MDGA2: variants seen among roughly 807,000 people sequenced by gnomAD.
The protein encoded by MDGA2 is MAM domain-containing glycosylphosphatidylinositol anchor protein 2.
A neutral mutation model predicts 117.8 loss-of-function variants in MDGA2; 40 were observed. The observed-to-expected ratio is 0.34, with a 90% confidence interval of 0.26 to 0.44. The LOEUF (loss-of-function observed/expected upper bound fraction) is 0.44, where lower values mean the gene tolerates loss of function less well. MDGA2 is among the 20% of genes least tolerant of loss of function. The pLI is 1.00. For synonymous variants in MDGA2, 452 were observed against 439.0 expected, an observed-to-expected ratio of 1.03 and a Z score of -0.37; for missense variants, 1,123 against 1,250.6, an observed-to-expected ratio of 0.90 and a Z score of 1.54.
chr14:47,120,682 G>C (rs1881604179), intron 5 of MDGA2, among the ~76,000 whole-genome samples: 1 of 152,126 alleles, frequency 6.6e-6, no homozygotes, highest in Non-Finnish European at 1.5e-5. Flanking sequence ...CAGACAAAAA[G>C]TACATGCTGC....
At chr14:46,990,796 A>T (rs1181928975) in intron 8 of MDGA2, among the ~76,000 whole-genome samples, 1 of 151,998 alleles carries the variant, frequency 6.6e-6, no homozygotes, top group East Asian at 1.9e-4. Context: ...ATCTGATTAA[A>T]CACAAAAAGG....
At chr14:47,595,200 T>G (rs959178897) in intron 1 of MDGA2, among the ~76,000 whole-genome samples, 2 of 151,300 alleles carry the variant, frequency 1.3e-5, no homozygotes, top group South Asian at 4.2e-4. Context: ...TGGGGAGAGA[T>G]TTTCAAGCCA....
chr14:47,404,191 T>A (rs1479070557), intron 1 of MDGA2, among the ~76,000 whole-genome samples: 1 of 34,654 alleles, frequency 2.9e-5, no homozygotes, highest in Non-Finnish European at 7.2e-5. Context: ...AATACCAACC[T>A]TTTTTTTTTT....
intron 1 of MDGA2, among the ~76,000 whole-genome samples, chr14:47,617,698 A>C (rs1480983083): frequency 6.6e-6 from 1 of 152,168 alleles, no homozygotes; most frequent in African/African-American, 2.4e-5. Flanking sequence ...GTTGCTTGGT[A>C]AACTAATTTA....
chr14:47,659,321 T>C (rs1425769260), intron 1 of MDGA2, among the ~76,000 whole-genome samples: 1 of 152,198 alleles, frequency 6.6e-6, no homozygotes, highest in Non-Finnish European at 1.5e-5. Flanking sequence ...AGTCTTTCAT[T>C]ACTACTGTGA....
intron 1 of MDGA2, among the ~76,000 whole-genome samples, chr14:47,412,421 A>G (rs1892392702): frequency 6.6e-6 from 1 of 152,116 alleles, no homozygotes; most frequent in South Asian, 2.1e-4. Context: ...AGATGGGAAT[A>G]CAGGCGCATG....
intron 1 of MDGA2, among the ~76,000 whole-genome samples, chr14:47,325,849 G>A (rs1890126361): frequency 6.6e-6 from 1 of 152,136 alleles, no homozygotes; most frequent in South Asian, 2.1e-4. Context: ...GTTGGTTTTA[G>A]ATAAAATTAT....
intron 2 of MDGA2, among the ~76,000 whole-genome samples, chr14:47,235,956 G>T (rs1452195073): frequency 1.3e-5 from 2 of 152,040 alleles, no homozygotes; most frequent in East Asian, 3.9e-4. Flanking sequence ...GCCAATGCGT[G>T]GGTCCAAGGG....
At chr14:47,163,649 T>C (rs1883736250) in intron 3 of MDGA2, among the ~76,000 whole-genome samples, 1 of 152,126 alleles carries the variant, frequency 6.6e-6, no homozygotes, top group Non-Finnish European at 1.5e-5. Flanking sequence ...CTGTCTCTGG[T>C]ATATCTTTAT....
intron 1 of MDGA2, among the ~76,000 whole-genome samples, chr14:47,547,704 T>A (rs1895491301): frequency 6.6e-6 from 1 of 152,204 alleles, no homozygotes; most frequent in Non-Finnish European, 1.5e-5. Flanking sequence ...ACACAGAGAT[T>A]CTCAAATAAG....
At chr14:46,931,985 G>C (rs1402215044) in intron 9 of MDGA2, among the ~76,000 whole-genome samples, 2 of 151,770 alleles carry the variant, frequency 1.3e-5, no homozygotes. Context: ...AAGTAATATA[G>C]AGCAAAATGG....
intron 9 of MDGA2, among the ~76,000 whole-genome samples, chr14:46,953,329 C>A (rs1885436913): frequency 1.3e-5 from 2 of 149,438 alleles, no homozygotes; most frequent in Non-Finnish European, 3.0e-5. Context: ...AAAAAAAACA[C>A]CACCCCTTTA....
chr14:47,055,285 C>T (rs969324690), intron 7 of MDGA2, among the ~76,000 whole-genome samples: 2 of 152,054 alleles, frequency 1.3e-5, no homozygotes, highest in South Asian at 2.1e-4. Flanking sequence ...ACTGAATTGG[C>T]TCCCAAAGCA....
chr14:47,035,086 A>G lies in MDGA2; in HGVS notation c.1744T>C (p.Tyr582His), dbSNP rs1888796842. The change falls in exon 8 of 17, where the codon TAC (tyrosine) becomes CAC (histidine). Residue 582 changes from tyrosine (Y) to histidine (H), a missense_variant. By Grantham distance (83) the Tyr-to-His change is moderately conservative. Transcript: ENST00000399232. ...TTGTATTGGCTGGTCTGACATCTGT[A>G]CATTCCTGACATTTCCCTAGATACA... Reference protein sequence around the residue: ...VNVSREMSGMYRCQTSQYNGF... With the variant: ...VNVSREMSGMHRCQTSQYNGF... 1.2e-6 allele frequency: 2 copies of G among 1,614,012 alleles called. No homozygotes were observed. Among genetic ancestry groups the G allele is most frequent in the African/African-American group, 1.3e-5 (1 of 74,918 alleles).
At chr14:47,232,667 C>T (rs1886730591) in intron 2 of MDGA2, among the ~76,000 whole-genome samples, 1 of 152,092 alleles carries the variant, frequency 6.6e-6, no homozygotes, top group Non-Finnish European at 1.5e-5. Context: ...ATGCTCCCTC[C>T]AGGGAATTAC....
chr14:47,436,724 T>G (rs1187151025), intron 1 of MDGA2, among the ~76,000 whole-genome samples: 1 of 152,006 alleles, frequency 6.6e-6, no homozygotes, highest in Non-Finnish European at 1.5e-5. Context: ...TTTAGGAAAG[T>G]TTATGAATTC....
At chr14:47,377,830 A>C (rs1009547352) in intron 1 of MDGA2, among the ~76,000 whole-genome samples, 1 of 152,184 alleles carries the variant, frequency 6.6e-6, no homozygotes, top group South Asian at 2.1e-4. Flanking sequence ...TCAGACTTAA[A>C]CATCCCTGTC....
chr14:46,990,029 T>C (rs1887024287), intron 8 of MDGA2, among the ~76,000 whole-genome samples: 1 of 152,128 alleles, frequency 6.6e-6, no homozygotes, highest in African/African-American at 2.4e-5. Flanking sequence ...AATACTCTTC[T>C]ATATAATACA....
chr14:46,965,535 G>A (rs1885992753), intron 8 of MDGA2, among the ~76,000 whole-genome samples: 2 of 152,098 alleles, frequency 1.3e-5, no homozygotes, highest in Non-Finnish European at 2.9e-5. Flanking sequence ...TGATTCCAGG[G>A]TGGTTTCTTC....
Sources: allele counts gnomAD v4.1 joint callset (sites outside exome capture counted in the v4.1 genomes callset), GRCh38; gene constraint gnomAD v4.1.1; transcripts MANE v1.5; gene names NCBI Gene and HGNC (gene_info 2026-07-23, HGNC 2026-07-21).